EHD3: variants seen among roughly 807,000 people sequenced by gnomAD.
EHD3 encodes the protein EH domain containing 3.
Under a neutral mutation model 43.0 loss-of-function variants are expected in EHD3, and 17 were observed. That is an observed-to-expected ratio of 0.40 (90% CI 0.27 to 0.59). The LOEUF (loss-of-function observed/expected upper bound fraction) is 0.59, where lower values mean the gene tolerates loss of function less well. Among genes scored for constraint, EHD3 ranks in the 20% least tolerant of loss-of-function variants. EHD3 has a pLI of 0.49. For synonymous variants in EHD3, 313 were observed against 289.5 expected (o/e 1.08, Z -0.82); for missense variants, 594 against 705.6 (o/e 0.84, Z 1.79).
chr2:31,239,176 C>T (rs901050955), intron 1 of EHD3, among the ~76,000 whole-genome samples: 4 of 152,180 alleles, frequency 2.6e-5, no homozygotes, highest in Non-Finnish European at 4.4e-5. Context: ...GCCACTGCGC[C>T]GGGAAAGATG....
At position 31,237,474 on chromosome 2, in the gene EHD3, G is replaced by A. The variant is rs560554854; in HGVS notation, c.227+2626G>A. Among the ~76,000 whole-genome samples, 4 of 152,094 alleles carry A rather than the reference G, an allele frequency of 2.6e-5. No individual in the cohort carries two copies. In the South Asian group the frequency reaches 6.2e-4, roughly 24 times the overall value. On this transcript the variant is annotated intron_variant, in intron 1 of 5. Coordinates refer to ENST00000322054, the MANE Select transcript of EHD3 (RefSeq NM_014600.3). ...GGCTGGAGTACAATGGCACAATCTC[G>A]GCTCAGTGCAACCTCCGCCTCCTGT...
intron 3 of EHD3, among the ~76,000 whole-genome samples, chr2:31,257,361 T>G (rs1304944727): frequency 6.6e-6 from 1 of 151,188 alleles, no homozygotes; most frequent in African/African-American, 2.4e-5. Context: ...AGGAGGGGAG[T>G]AGTGCGGGCT....
At chr2:31,243,440 C>CTTTT (rs1683457939) in intron 1 of EHD3, among the ~76,000 whole-genome samples, 3 of 87,744 alleles carry the variant, frequency 3.4e-5, no homozygotes, top group African/African-American at 1.6e-4. Flanking sequence ...TTCTTTCTTT[C>CTTTT]TTTCTTTCTT....
rs1023317840 is a variant in EHD3 at position 31,266,760 on chromosome 2, C to G, written c.*56C>G. The G allele has an allele frequency of 3.0e-5, 40 of 1,340,228 alleles. No individual in the cohort carries two copies. The highest frequency in any genetic ancestry group is 3.8e-5 in the Non-Finnish European group (38 of 990,092). The allele number at this position is 1,340,228 out of a possible 1,614,324, so 83.0% of individuals were successfully genotyped here. Reference sequence around the variant, plus strand: ...TTAGAGGAGGAGATGGGAGCGGTGACTACACACACACACACACACACACAC... The same window carrying G: ...TTAGAGGAGGAGATGGGAGCGGTGAGTACACACACACACACACACACACAC... On this transcript the variant is annotated 3_prime_UTR_variant, in exon 6 of 6. Coordinates refer to ENST00000322054, the MANE Select transcript of EHD3 (RefSeq NM_014600.3). This position sits in a 1 kb window ranked among gnomAD's most constrained non-coding sequence, Gnocchi z 5.1.
chr2:31,250,742 T>C (rs1683619907), intron 3 of EHD3, among the ~76,000 whole-genome samples: 1 of 152,286 alleles, frequency 6.6e-6, no homozygotes, highest in East Asian at 1.9e-4. Flanking sequence ...GATGACGCCA[T>C]GCCCACCCCA....
intron 1 of EHD3, among the ~76,000 whole-genome samples, chr2:31,236,316 T>A (rs147680059): frequency 0.012 from 1,857 of 152,342 alleles, 17 homozygotes; most frequent in Non-Finnish European, 0.02. Context: ...TTGTATGTTT[T>A]ATATTGATAG....
At chr2:31,249,527 C>G in intron 3 of EHD3, 59 bp downstream of exon 3, 1 of 1,499,482 alleles carries the variant, frequency 6.7e-7, no homozygotes, top group Admixed American at 1.7e-5. Context: ...CACGTTCAGT[C>G]TCTTACATAC....
rs1009302162 is a variant in EHD3 at position 31,247,800 on chromosome 2, C to A, written c.405-1571C>A. Among the ~76,000 whole-genome samples, 12 of 152,014 alleles carry A rather than the reference C, an allele frequency of 7.9e-5. No individual in the cohort carries two copies. The East Asian group carries it at 2.3e-3, about 29-fold the overall frequency. ...TGGGAAAGTTGGCATTTGACCCTGA[C>A]ATTAAATGATGAGTGAAGTGGCACC... On this transcript the variant is annotated intron_variant, in intron 2 of 5. Transcript: ENST00000322054.
At position 31,244,398 on chromosome 2, in the gene EHD3, C is replaced by A; in HGVS notation, c.352C>A (p.Pro118Thr). ...CCCTGGGAACGCCCTGGTGGTGGAT[C>A]CCAAGAAACCCTTCAGGAAACTCAA... ...IIPGNALVVD[P>T]KKPFRKLNAF... Residue 118 changes from proline to threonine, a missense_variant, in exon 2 of 6, where the codon CCC (proline) becomes ACC (threonine). Physicochemically the swap from Pro to Thr is conservative, Grantham distance 38. Around this residue, in one of 3 missense-constraint regions of EHD3, gnomAD observed 243 missense variants for 296.7 expected, o/e 0.82. Coordinates refer to ENST00000322054, the MANE Select transcript of EHD3 (RefSeq NM_014600.3). 13 of 1,614,154 alleles carry A rather than the reference C, an allele frequency of 8.1e-6. No homozygotes were observed. Among genetic ancestry groups the A allele is most frequent in the Non-Finnish European group, 1.1e-5 (13 of 1,180,034 alleles).
At chr2:31,252,902 G>T (rs899232446) in intron 3 of EHD3, among the ~76,000 whole-genome samples, 1 of 152,140 alleles carries the variant, frequency 6.6e-6, no homozygotes, top group Non-Finnish European at 1.5e-5. Flanking sequence ...AGCAGCCTGC[G>T]TTAAAAACAA....
Position 31,266,241 on chromosome 2 carries a change from T to C in EHD3, c.1145T>C (p.Val382Ala). The C allele has an allele frequency of 1.9e-6, 3 of 1,614,186 alleles. No individual in the cohort carries two copies. The highest frequency in any genetic ancestry group is 1.7e-6 in the Non-Finnish European group (2 of 1,180,030). The part of the protein sequence containing the change: ...QPLKSKLLEV[V>A]DDMLAHDIAQ... ...CTGAAGAGCAAGCTGCTGGAGGTAG[T>C]GGACGACATGCTGGCCCATGACATT... Residue 382 changes from valine (V) to alanine (A), a missense_variant, in exon 6 of 6, where the codon GTG (valine) becomes GCG (alanine). Physicochemically the swap from Val to Ala is moderately conservative, Grantham distance 64. Coordinates refer to ENST00000322054, the MANE Select transcript of EHD3 (RefSeq NM_014600.3). This position sits in a 1 kb window ranked among gnomAD's most constrained non-coding sequence, Gnocchi z 5.1.
chr2:31,264,380 AGTGAGTGAGTG>A (rs1037877599), intron 5 of EHD3, among the ~76,000 whole-genome samples: 18 of 152,292 alleles, frequency 1.2e-4, no homozygotes, highest in African/African-American at 3.8e-4. Flanking sequence ...TGGGTGGGCC[AGTGAGTGAGTG>A]GTGAGTGAGT....
At chr2:31,251,701 A>T (rs1683639044) in intron 3 of EHD3, among the ~76,000 whole-genome samples, 1 of 152,062 alleles carries the variant, frequency 6.6e-6, no homozygotes, top group Admixed American at 6.5e-5. Context: ...AGGGAGCTGG[A>T]ACCCCTGGCC....
In EHD3 at chr2:31,269,370, C is replaced by G. The variant is rs1426054798; in HGVS notation, c.*2666C>G. ...GTGTGACATGAATGTAACTGAAATG[C>G]GGGTTAGTTGCTCAATGTATGCAAA... On this transcript the variant is annotated 3_prime_UTR_variant, in exon 6 of 6. Transcript: ENST00000322054. 1 of 152,146 alleles carries G rather than the reference C, an allele frequency of 6.6e-6. No homozygotes were observed. The highest frequency in any genetic ancestry group is 1.9e-4 in the East Asian group (1 of 5,194). 9.4% of individuals were successfully genotyped at this position (152,146 alleles called of 1,614,324 possible).
intron 1 of EHD3, 32 bp downstream of exon 1, chr2:31,234,880 C>A (rs1200443012): frequency 1.2e-6 from 2 of 1,607,986 alleles, no homozygotes; most frequent in South Asian, 2.2e-5. Flanking sequence ...GCAGCCCACC[C>A]CGGAGCCCAG....
At chr2:31,253,815 T>C (rs907399068) in intron 3 of EHD3, among the ~76,000 whole-genome samples, 2 of 152,074 alleles carry the variant, frequency 1.3e-5, no homozygotes, top group Non-Finnish European at 2.9e-5. Flanking sequence ...TGGATGCAGA[T>C]GCATTGGGGT....
intron 3 of EHD3, among the ~76,000 whole-genome samples, chr2:31,257,523 A>G (rs3820923): frequency 0.016 from 2,417 of 152,190 alleles, 150 homozygotes; most frequent in Admixed American, 0.11. Context: ...TGGCCTCACG[A>G]CTTGCCAACT....
rs563925912 is a variant in EHD3, at chr2:31,267,351, G to A, written c.*647G>A. ...TTAAAGAATCCCAGAGCGGGAGAGAGAAGAGAAAAAAATTGATAAGAGTGA... is the reference window on the plus strand; with the variant it reads ...TTAAAGAATCCCAGAGCGGGAGAGAAAAGAGAAAAAAATTGATAAGAGTGA... On this transcript the variant is annotated 3_prime_UTR_variant, in exon 6 of 6. Transcript: ENST00000322054. 6.6e-6 allele frequency: 1 copy of A among 152,272 alleles called. No individual in the cohort carries two copies. Among genetic ancestry groups the A allele is most frequent in the Admixed American group, 6.5e-5 (1 of 15,300 alleles). 9.4% of individuals were successfully genotyped at this position (152,272 alleles called of 1,614,324 possible).
intron 2 of EHD3, among the ~76,000 whole-genome samples, chr2:31,245,639 G>A (rs1357034235): frequency 3.6e-5 from 5 of 140,550 alleles, no homozygotes; most frequent in African/African-American, 5.3e-5. Flanking sequence ...TCAGCTCATC[G>A]CAAACTCTGC....
Sources: gnomAD v4.1 joint callset for allele counts (sites outside exome capture counted in the v4.1 genomes callset) on GRCh38, gnomAD v4.1.1 for gene constraint, gnomAD v4.1.1 regional missense constraint, Gnocchi (gnomAD v3.1) non-coding constraint, MANE v1.5 for transcripts, NCBI Gene and HGNC (gene_info 2026-07-23, HGNC 2026-07-21) for gene names.